SREBF2: variants seen among roughly 807,000 people sequenced by gnomAD.
SREBF2 encodes sterol regulatory element-binding protein 2.
SREBF2 carries 55 observed loss-of-function variants against 113.1 expected under a neutral mutation model. The ratio of observed to expected loss-of-function variants is 0.49; its 90% CI spans 0.39 to 0.61. The LOEUF is 0.61. Among genes scored for constraint, SREBF2 ranks in the 20% least tolerant of loss-of-function variants. The probability of loss-of-function intolerance (pLI) is 0.00; values close to 1 mark genes in which losing one functional copy is unlikely to be tolerated. For missense variants in SREBF2, 1,349 were observed against 1,487.4 expected (o/e 0.91, Z 1.53); for synonymous variants, 593 against 605.7 (o/e 0.98, Z 0.31).
intron 1 of SREBF2, among the ~76,000 whole-genome samples, chr22:41,857,656 T>C (rs2076989924): frequency 1.3e-5 from 2 of 152,236 alleles, no homozygotes. Context: ...TTGCTTAAAA[T>C]ATAGGATGCT....
At chr22:41,898,074 A>G (rs1317462443) in intron 14 of SREBF2, among the ~76,000 whole-genome samples, 1 of 152,208 alleles carries the variant, frequency 6.6e-6, no homozygotes, top group East Asian at 1.9e-4. Flanking sequence ...ATTATGACAG[A>G]CTGCCAAAAA....
At chr22:41,899,748 C>G (rs1280723655) in intron 15 of SREBF2, among the ~76,000 whole-genome samples, 1 of 152,210 alleles carries the variant, frequency 6.6e-6, no homozygotes, top group African/African-American at 2.4e-5. Context: ...TGTCCAAAGT[C>G]ACCTCGCTCC....
At chr22:41,901,387 G>A (rs1185705304) in intron 16 of SREBF2, among the ~76,000 whole-genome samples, 3 of 152,186 alleles carry the variant, frequency 2.0e-5, no homozygotes, top group Non-Finnish European at 4.4e-5. Flanking sequence ...CTGGCTGGAC[G>A]CGGTGGCTCA....
chr22:41,905,638 GC>G lies in SREBF2; in HGVS notation c.3405del (p.Thr1136LeufsTer61). ...CQQMIVKLGG[G>X]TAIAAS is the part of the protein sequence containing the mutation. ...CAGATGATTGTTAAGCTGGGTGGTG[GC>G]ACTGCCATTGCCGCCTCCTGACCAC... On this transcript the variant is annotated frameshift_variant, in exon 19 of 19. Transcript: ENST00000361204. LOFTEE classifies it high-confidence loss of function. 6.3e-7 allele frequency: 1 copy of G among 1,590,416 alleles called. No homozygotes were observed. Among genetic ancestry groups the G allele is most frequent in the Non-Finnish European group, 8.6e-7 (1 of 1,169,388 alleles).
chr22:41,857,284 C>T (rs557825728), intron 1 of SREBF2, among the ~76,000 whole-genome samples: 4 of 152,060 alleles, frequency 2.6e-5, no homozygotes, highest in Non-Finnish European at 5.9e-5. Context: ...AGCTGCAGAT[C>T]CCTCTCCTGT....
At chr22:41,843,844 TAAA>T (rs769811734) in intron 1 of SREBF2, among the ~76,000 whole-genome samples, 2 of 138,342 alleles carry the variant, frequency 1.4e-5, no homozygotes, top group Non-Finnish European at 3.2e-5. Flanking sequence ...CCCATTTCTG[TAAA>T]AAAAAAAAAA....
At chr22:41,840,948 C>T (rs2076825265) in intron 1 of SREBF2, among the ~76,000 whole-genome samples, 1 of 152,214 alleles carries the variant, frequency 6.6e-6, no homozygotes, top group Non-Finnish European at 1.5e-5. Context: ...TGGGCCTCTG[C>T]TTGCTTCTCT....
chr22:41,893,179 C>G lies in SREBF2; in HGVS notation c.2271C>G (p.Ser757=), dbSNP rs753055179. The part of the protein sequence containing the change: ...CGPEHSAVPD[S]LRWLCHPLGQ... ...CCGAGCACAGTGCTGTTCCTGACTC[C>G]CTGCGCTGGCTCTGCCACCCCCTGG... Residue 757 remains serine, a synonymous_variant, in exon 12 of 19, where the codon TCC becomes TCG. Coordinates refer to ENST00000361204, the MANE Select transcript of SREBF2 (RefSeq NM_004599.4). The G allele has an allele frequency of 6.2e-7, 1 of 1,614,174 alleles. No individual in the cohort carries two copies. Among genetic ancestry groups the G allele is most frequent in the Middle Eastern group, 1.7e-4 (1 of 6,050 alleles).
At chr22:41,896,721 G>T (rs1423050912) in intron 13 of SREBF2, among the ~76,000 whole-genome samples, 3 of 152,188 alleles carry the variant, frequency 2.0e-5, no homozygotes, top group East Asian at 1.9e-4. Flanking sequence ...GAGGGGGAGG[G>T]GGCAGTTCTG....
At chr22:41,894,764 C>T in intron 12 of SREBF2, 56 bp from the exon 13 acceptor site, 1 of 1,482,850 alleles carries the variant, frequency 6.7e-7, no homozygotes, top group South Asian at 1.1e-5. Flanking sequence ...TCCGTAAAGA[C>T]AAAGTGGGCT....
At chr22:41,836,189 G>A (rs941361615) in intron 1 of SREBF2, among the ~76,000 whole-genome samples, 1 of 152,214 alleles carries the variant, frequency 6.6e-6, no homozygotes, top group Non-Finnish European at 1.5e-5. Flanking sequence ...TTGTGTCACA[G>A]GAGACCTAGG....
intron 4 of SREBF2, among the ~76,000 whole-genome samples, chr22:41,871,898 C>CA (rs34718352): frequency 0.24 from 24,839 of 103,502 alleles, 2,792 homozygotes; most frequent in African/African-American, 0.35. Context: ...GACTGACTCT[C>CA]AAAAAAAAAA....
intron 10 of SREBF2, 62 bp from the exon 11 acceptor site, chr22:41,884,780 A>G: frequency 1.9e-6 from 3 of 1,576,582 alleles, no homozygotes; most frequent in Non-Finnish European, 2.6e-6. Flanking sequence ...TGCTGGAGAG[A>G]GCAGGAAAAA....
chr22:41,851,094 A>G (rs559545923), intron 1 of SREBF2, among the ~76,000 whole-genome samples: 1 of 152,284 alleles, frequency 6.6e-6, no homozygotes, highest in Admixed American at 6.5e-5. Flanking sequence ...GATATAACGT[A>G]CTAAGTGGGT....
Position 41,884,838 on chromosome 22 carries a change from C to G in SREBF2, c.2039-4C>G, listed in dbSNP as rs199644191. 23 of 1,613,900 alleles carry G rather than the reference C, an allele frequency of 1.4e-5. No individual in the cohort carries two copies. Among genetic ancestry groups the G allele is most frequent in the Non-Finnish European group, 1.7e-5 (20 of 1,179,960 alleles). Reference sequence around the variant, plus strand: ...ACAATAGTGTCTGTTTCTGCCCACCCTAGGGAAGCTTCCTGCAGGATCCGC... The same window carrying G: ...ACAATAGTGTCTGTTTCTGCCCACCGTAGGGAAGCTTCCTGCAGGATCCGC... On this transcript the variant is annotated splice_polypyrimidine_tract_variant and splice_region_variant and intron_variant, in intron 10 of 18. Coordinates refer to ENST00000361204, the MANE Select transcript of SREBF2 (RefSeq NM_004599.4).
chr22:41,843,612 C>T (rs887204244), intron 1 of SREBF2, among the ~76,000 whole-genome samples: 2 of 152,160 alleles, frequency 1.3e-5, no homozygotes, highest in African/African-American at 2.4e-5. Flanking sequence ...TCCTCTGTCC[C>T]ATGCCCTGTC....
In SREBF2 at chr22:41,884,912, T is replaced by A; in HGVS notation, c.2109T>A (p.Cys703Ter). ...MALCAVNLAE[C>*]AEEKIPPSTL... ...TGTGTGCCGTGAACCTGGCTGAATG[T>A]GCAGAGGAGAAGATCCCACCGAGCA... Residue 703 changes from cysteine to a stop codon, truncating the protein, a stop_gained, in exon 11 of 19, where the codon TGT becomes TGA. Transcript: ENST00000361204. LOFTEE classifies it high-confidence loss of function. 6.2e-7 allele frequency: 1 copy of A among 1,614,220 alleles called. No individual in the cohort carries two copies.
At chr22:41,899,546 T>C in intron 15 of SREBF2, 1 of 992,748 alleles carries the variant, frequency 1.0e-6, no homozygotes, top group Non-Finnish European at 1.2e-6. Flanking sequence ...AGGAAGGAGC[T>C]GAGAAGAGTG....
chr22:41,856,207 ACCTTCACCTCCCAGG>A (rs2076976301), intron 1 of SREBF2, among the ~76,000 whole-genome samples: 4 of 151,816 alleles, frequency 2.6e-5, no homozygotes, highest in Non-Finnish European at 4.4e-5. Context: ...GCTCACTGCA[ACCTTCACCTCCCAGG>A]CTTAAGCAAT....
Sources: gnomAD v4.1 joint callset for allele counts (sites outside exome capture counted in the v4.1 genomes callset) on GRCh38, gnomAD v4.1.1 for gene constraint, MANE v1.5 for transcripts, NCBI Gene and HGNC (gene_info 2026-07-23, HGNC 2026-07-21) for gene names.